The following AFF3 variants were observed in gnomAD, a reference collection of about 807,000 sequenced individuals.
AFF3 encodes the protein AF4/FMR2 family member 3.
In AFF3, 32 loss-of-function variants were observed where a neutral mutation model predicts 129.7. The ratio of observed to expected loss-of-function variants is 0.25; its 90% CI spans 0.19 to 0.33. The LOEUF (loss-of-function observed/expected upper bound fraction) is 0.33. Ranked by LOEUF, AFF3 falls within the 10% of genes least tolerant of loss-of-function variation. The pLI is 1.00. For missense variants in AFF3, 1,373 were observed against 1,592.0 expected (o/e 0.86, Z 2.34); for synonymous variants, 644 against 635.4 (o/e 1.01, Z -0.20).
intron 2 of AFF3, among the ~76,000 whole-genome samples, chr2:100,111,908 T>C (rs1295692592): frequency 6.6e-6 from 1 of 152,204 alleles, no homozygotes; most frequent in Non-Finnish European, 1.5e-5. Context: ...CATGAATGTT[T>C]CCAGTGGTGG....
intron 8 of AFF3, among the ~76,000 whole-genome samples, chr2:99,800,811 A>G (rs1685881577): frequency 1.3e-5 from 2 of 152,232 alleles, no homozygotes; most frequent in Admixed American, 1.3e-4. Context: ...ACAGAGTGAC[A>G]GAAGCCAAAC....
chr2:99,750,156 T>C (rs1283333624), intron 9 of AFF3, among the ~76,000 whole-genome samples: 2 of 152,180 alleles, frequency 1.3e-5, no homozygotes, highest in African/African-American at 4.8e-5. Context: ...TGCAAGAAAG[T>C]AGTTGTATCA....
At chr2:100,104,742 C>G in intron 3 of AFF3, 1 of 965,578 alleles carries the variant, frequency 1.0e-6, no homozygotes. Context: ...CCCCCCGCCC[C>G]CGGCCCTGCG....
At chr2:99,856,341 T>C (rs957526975) in intron 7 of AFF3, among the ~76,000 whole-genome samples, 6 of 152,146 alleles carry the variant, frequency 3.9e-5, no homozygotes, top group Non-Finnish European at 8.8e-5. Context: ...CCAAAATTAC[T>C]AGGCATACAA....
At chr2:99,733,129 T>C (rs769325774) in intron 10 of AFF3, among the ~76,000 whole-genome samples, 13 of 151,990 alleles carry the variant, frequency 8.6e-5, no homozygotes, top group Non-Finnish European at 1.8e-4. Context: ...CCTGTAATCC[T>C]AGCACTTTGG....
At chr2:99,915,594 A>T (rs1695423095) in intron 7 of AFF3, among the ~76,000 whole-genome samples, 1 of 152,188 alleles carries the variant, frequency 6.6e-6, no homozygotes, top group South Asian at 2.1e-4. Flanking sequence ...AGATTGGTTT[A>T]ATTCACTGCC....
chr2:99,960,696 T>C (rs1181771322), intron 7 of AFF3, among the ~76,000 whole-genome samples: 1 of 152,192 alleles, frequency 6.6e-6, no homozygotes, highest in African/African-American at 2.4e-5. Context: ...TGTGCTTGCT[T>C]ACATACTAGC....
intron 7 of AFF3, among the ~76,000 whole-genome samples, chr2:99,872,367 G>A (rs1214543805): frequency 1.3e-5 from 2 of 151,828 alleles, no homozygotes; most frequent in Admixed American, 6.6e-5. Flanking sequence ...GGGAGTTTGG[G>A]GGAACAGATT....
At chr2:99,823,809 G>C (rs1334767648) in intron 8 of AFF3, among the ~76,000 whole-genome samples, 1 of 152,202 alleles carries the variant, frequency 6.6e-6, no homozygotes, top group African/African-American at 2.4e-5. Context: ...CGGCAACGTG[G>C]ATGGAGCTGG....
intron 11 of AFF3, among the ~76,000 whole-genome samples, chr2:99,679,969 C>T (rs902900773): frequency 3.1e-4 from 47 of 152,226 alleles, no homozygotes; most frequent in African/African-American, 1.0e-3. Context: ...CTGGAGAAGT[C>T]TTCCTTTTCA....
chr2:99,687,640 G>A (rs561652795), intron 11 of AFF3, among the ~76,000 whole-genome samples: 1 of 152,196 alleles, frequency 6.6e-6, no homozygotes, highest in East Asian at 1.9e-4. Context: ...AGGGAGGAAA[G>A]TATGGGGCTT....
At chr2:99,815,695 TG>T in intron 8 of AFF3, among the ~76,000 whole-genome samples, 1 of 151,724 alleles carries the variant, frequency 6.6e-6, no homozygotes, top group Non-Finnish European at 1.5e-5. Flanking sequence ...CATAGAATTC[TG>T]GGTTGAGAGT....
intron 11 of AFF3, among the ~76,000 whole-genome samples, chr2:99,680,142 G>A (rs953248649): frequency 6.6e-6 from 1 of 152,172 alleles, no homozygotes; most frequent in African/African-American, 2.4e-5. Context: ...TTATGAAGTA[G>A]CATTCTCCAA....
intron 8 of AFF3, among the ~76,000 whole-genome samples, chr2:99,772,732 G>A (rs1333628294): frequency 2.0e-5 from 3 of 152,196 alleles, no homozygotes; most frequent in Admixed American, 6.5e-5. Flanking sequence ...ACCCTGGGAA[G>A]TTAAGGTCCT....
chr2:99,932,368 G>A (rs180813445), intron 7 of AFF3, among the ~76,000 whole-genome samples: 26 of 152,232 alleles, frequency 1.7e-4, no homozygotes, highest in Non-Finnish European at 3.1e-4. Flanking sequence ...TTGAGAAAGC[G>A]CATTTCAGAA....
Position 99,868,016 on chromosome 2 carries a change from C to CTTTTTTTTTTTTT in AFF3, c.874-30493_874-30492insAAAAAAAAAAAAA, listed in dbSNP as rs531223035. Among the ~76,000 whole-genome samples the CTTTTTTTTTTTTT allele has an allele frequency of 1.5e-5, 2 of 136,166 alleles. 1 individual carries two copies. The highest frequency in any genetic ancestry group is 3.0e-5 in the Non-Finnish European group (2 of 66,324). 89.3% of individuals were successfully genotyped at this position (136,166 alleles called of 152,430 possible). ...TTAACACCCACGACTCTCTTTCTTT[C>CTTTTTTTTTTTTT]CTTTTTTTTTTTTTTTAGGTCCTTT... On this transcript the variant is annotated intron_variant, in intron 7 of 24. Coordinates refer to ENST00000672756, the MANE Select transcript of AFF3 (RefSeq NM_001386135.1).
At chr2:99,635,094 T>C (rs1472885314) in intron 13 of AFF3, among the ~76,000 whole-genome samples, 2 of 151,748 alleles carry the variant, frequency 1.3e-5, no homozygotes, top group Non-Finnish European at 2.9e-5. Flanking sequence ...TACACATATC[T>C]CTATGTATAT....
intron 9 of AFF3, among the ~76,000 whole-genome samples, chr2:99,748,690 T>C (rs528057567): frequency 1.6e-4 from 24 of 152,346 alleles, no homozygotes; most frequent in African/African-American, 4.8e-4. Context: ...TGCTACACTG[T>C]GTCATACTTC....
chr2:99,648,292 T>C (rs1042038901), intron 13 of AFF3, among the ~76,000 whole-genome samples: 2 of 152,248 alleles, frequency 1.3e-5, no homozygotes, highest in Admixed American at 1.3e-4. Context: ...TCATTAACAA[T>C]GACCAAGTTT....
Sources: allele counts gnomAD v4.1 joint callset (sites outside exome capture counted in the v4.1 genomes callset), GRCh38; gene constraint gnomAD v4.1.1; transcripts MANE v1.5; gene names NCBI Gene and HGNC (gene_info 2026-07-23, HGNC 2026-07-21).